Variants in ZNF804A observed in about 807,000 individuals in gnomAD.
The protein encoded by ZNF804A is zinc finger protein 804A.
A neutral mutation model predicts 16.5 loss-of-function variants in ZNF804A; 2 were observed. The observed-to-expected ratio is 0.12, with a 90% CI of 0.05 to 0.38. ZNF804A has a LOEUF of 0.38. Among genes scored for constraint, ZNF804A ranks in the 10% least tolerant of loss-of-function variants. ZNF804A has a pLI of 0.99. For synonymous variants in ZNF804A, 534 were observed against 489.6 expected (o/e 1.09, Z -1.20); for missense variants, 1,473 against 1,390.7 (o/e 1.06, Z -0.94).
At position 184,870,005 on chromosome 2, in the gene ZNF804A, AT is replaced by A. The variant is rs993881162; in HGVS notation, c.255+3502del. Among the ~76,000 whole-genome samples, 13 of 151,630 alleles carry A rather than the reference AT, an allele frequency of 8.6e-5. No homozygotes were observed. In the East Asian group the frequency reaches 1.5e-3, roughly 18 times the overall value. ...CACAAATTACAGTATCTTTGTTTGA[AT>A]TTTTTTTTAACTTTGTAACTCAAAA... On this transcript the variant is annotated intron_variant, in intron 2 of 3. Transcript: ENST00000302277.
intron 1 of ZNF804A, among the ~76,000 whole-genome samples, chr2:184,851,593 G>C (rs915200803): frequency 6.6e-6 from 1 of 151,884 alleles, no homozygotes; most frequent in Non-Finnish European, 1.5e-5. Flanking sequence ...TGCATCTATG[G>C]AGGTTTAGGC....
chr2:184,922,834 T>C (rs1306998835), intron 2 of ZNF804A, among the ~76,000 whole-genome samples: 2 of 152,144 alleles, frequency 1.3e-5, no homozygotes, highest in African/African-American at 4.8e-5. Flanking sequence ...TTCCCCAATG[T>C]ATGTTCTTTG....
intron 1 of ZNF804A, among the ~76,000 whole-genome samples, chr2:184,615,379 A>AG (rs1205642700): frequency 2.6e-5 from 4 of 152,202 alleles, no homozygotes; most frequent in Non-Finnish European, 5.9e-5. Flanking sequence ...TAATAAAAAA[A>AG]GAATAATTGG....
chr2:184,793,772 C>A (rs1198038736), intron 1 of ZNF804A, among the ~76,000 whole-genome samples: 3 of 152,088 alleles, frequency 2.0e-5, no homozygotes, highest in African/African-American at 7.2e-5. Context: ...ATTCTTATGC[C>A]TTTTCATCCT....
intron 1 of ZNF804A, among the ~76,000 whole-genome samples, chr2:184,816,392 T>C (rs1318894441): frequency 3.7e-4 from 56 of 152,000 alleles, no homozygotes; most frequent in Non-Finnish European, 7.4e-5. Flanking sequence ...GGGGCTGTGT[T>C]TATCATTTGG....
intron 1 of ZNF804A, among the ~76,000 whole-genome samples, chr2:184,799,659 A>T (rs1394042400): frequency 6.6e-6 from 1 of 152,118 alleles, no homozygotes; most frequent in Non-Finnish European, 1.5e-5. Context: ...AAGTAGCTGG[A>T]ACCACAGGCA....
intron 1 of ZNF804A, among the ~76,000 whole-genome samples, chr2:184,758,806 A>G (rs575586499): frequency 8.7e-4 from 132 of 152,142 alleles, no homozygotes; most frequent in African/African-American, 3.0e-3. Context: ...GGGTGTATTT[A>G]TAACTTAAAA....
At chr2:184,759,404 T>C (rs956248780) in intron 1 of ZNF804A, among the ~76,000 whole-genome samples, 1 of 151,764 alleles carries the variant, frequency 6.6e-6, no homozygotes, top group Non-Finnish European at 1.5e-5. Flanking sequence ...ATGAACTGTA[T>C]TGACATTAGG....
At chr2:184,786,451 C>T (rs1694450777) in intron 1 of ZNF804A, among the ~76,000 whole-genome samples, 1 of 151,942 alleles carries the variant, frequency 6.6e-6, no homozygotes, top group Non-Finnish European at 1.5e-5. Flanking sequence ...ACATTTTAAA[C>T]ATTTTTGTGA....
intron 1 of ZNF804A, among the ~76,000 whole-genome samples, chr2:184,604,753 A>G (rs1691114768): frequency 6.6e-6 from 1 of 152,130 alleles, no homozygotes; most frequent in African/African-American, 2.4e-5. Flanking sequence ...TAGTTCGAGG[A>G]CCGAAGTTTA....
At chr2:184,653,179 A>G (rs1692016922) in intron 1 of ZNF804A, among the ~76,000 whole-genome samples, 1 of 152,150 alleles carries the variant, frequency 6.6e-6, no homozygotes, top group African/African-American at 2.4e-5. Flanking sequence ...TACTATTGCA[A>G]TTGAAATCAT....
At chr2:184,881,739 A>G (rs181382016) in intron 2 of ZNF804A, among the ~76,000 whole-genome samples, 73 of 152,194 alleles carry the variant, frequency 4.8e-4, no homozygotes, top group African/African-American at 1.7e-3. Flanking sequence ...ATGCTAAGGA[A>G]TTTCATAATG....
At chr2:184,610,720 G>T (rs1230244752) in intron 1 of ZNF804A, among the ~76,000 whole-genome samples, 2 of 152,108 alleles carry the variant, frequency 1.3e-5, no homozygotes, top group Non-Finnish European at 2.9e-5. Flanking sequence ...TCTGGACAAT[G>T]TGCATTTATA....
At chr2:184,747,570 A>G (rs1465385329) in intron 1 of ZNF804A, among the ~76,000 whole-genome samples, 1 of 151,218 alleles carries the variant, frequency 6.6e-6, no homozygotes, top group African/African-American at 2.4e-5. Context: ...AAGAGAATAT[A>G]TGTTTTAATT....
chr2:184,795,063 A>G (rs1574216023), intron 1 of ZNF804A, among the ~76,000 whole-genome samples: 2 of 152,290 alleles, frequency 1.3e-5, no homozygotes, highest in East Asian at 3.9e-4. Flanking sequence ...ATACCTTAGA[A>G]CAAATGGATT....
chr2:184,890,708 G>T (rs150700380), intron 2 of ZNF804A, among the ~76,000 whole-genome samples: 4,381 of 151,672 alleles, frequency 0.029, 96 homozygotes, highest in Admixed American at 0.043. Context: ...CAGTCCTTGA[G>T]AATAAATTGG....
At chr2:184,745,627 C>T (rs1157360691) in intron 1 of ZNF804A, among the ~76,000 whole-genome samples, 1 of 151,462 alleles carries the variant, frequency 6.6e-6, no homozygotes, top group African/African-American at 2.4e-5. Context: ...AGAACATAAA[C>T]TCATGCATAT....
At chr2:184,868,509 G>GA (rs1695916034) in intron 2 of ZNF804A, among the ~76,000 whole-genome samples, 2 of 151,704 alleles carry the variant, frequency 1.3e-5, no homozygotes, top group Admixed American at 6.6e-5. Flanking sequence ...TGATTAAAAA[G>GA]AAAAAAATGC....
chr2:184,782,674 G>GATATGTATATCCTATATATAGGATATAT (rs1694389244), intron 1 of ZNF804A, among the ~76,000 whole-genome samples: 3 of 147,594 alleles, frequency 2.0e-5, no homozygotes, highest in South Asian at 2.1e-4. Context: ...TGCTTAATAG[G>GATATGTATATCCTATATATAGGATATAT]ATATGTATAT....
Sources: allele counts gnomAD v4.1 joint callset (sites outside exome capture counted in the v4.1 genomes callset), GRCh38; gene constraint gnomAD v4.1.1; transcripts MANE v1.5; gene names NCBI Gene and HGNC (gene_info 2026-07-23, HGNC 2026-07-21).